TTC28: variants seen among roughly 807,000 people sequenced by gnomAD.
TTC28 encodes the protein tetratricopeptide repeat protein 28.
In TTC28, 61 loss-of-function variants were observed where a neutral mutation model predicts 198.0. The ratio of observed to expected loss-of-function variants is 0.31; its 90% CI spans 0.25 to 0.38. TTC28 has a LOEUF of 0.38. Among genes scored for constraint, TTC28 ranks in the 10% least tolerant of loss-of-function variants. The pLI is 1.00. For missense variants in TTC28, 2,678 were observed against 3,164.0 expected, an observed-to-expected ratio of 0.85 and a Z score of 3.69; for synonymous variants, 1,171 against 1,297.8, an observed-to-expected ratio of 0.90 and a Z score of 2.10.
intron 12 of TTC28, among the ~76,000 whole-genome samples, chr22:28,045,149 A>G (rs1365116226): frequency 2.0e-5 from 3 of 152,174 alleles, no homozygotes; most frequent in Non-Finnish European, 4.4e-5. Flanking sequence ...ATAAGGCTCA[A>G]CTCAACCAAT....
At chr22:28,532,449 C>G (rs755068122) in intron 2 of TTC28, among the ~76,000 whole-genome samples, 8 of 152,128 alleles carry the variant, frequency 5.3e-5, no homozygotes, top group Non-Finnish European at 8.8e-5. Context: ...CAGGACCAGA[C>G]AGATTCACAG....
chr22:28,346,812 T>C (rs1283873639), intron 2 of TTC28, among the ~76,000 whole-genome samples: 2 of 152,070 alleles, frequency 1.3e-5, no homozygotes, highest in Non-Finnish European at 1.5e-5. Flanking sequence ...GGGTAGGAAG[T>C]AGAGGAAGGC....
chr22:28,576,659 G>C (rs762620958), intron 2 of TTC28, among the ~76,000 whole-genome samples: 1 of 152,016 alleles, frequency 6.6e-6, no homozygotes, highest in Non-Finnish European at 1.5e-5. Flanking sequence ...CTTCAATCTT[G>C]TTCCTTGTTA....
At chr22:28,416,051 A>G (rs1043308070) in intron 2 of TTC28, among the ~76,000 whole-genome samples, 4 of 152,200 alleles carry the variant, frequency 2.6e-5, no homozygotes, top group African/African-American at 9.6e-5. Context: ...AAGAGGCTCC[A>G]ACATTTCGAC....
Position 27,982,634 on chromosome 22 carries a change from G to T in TTC28, c.7033C>A (p.Leu2345Met), listed in dbSNP as rs1476450247. Reference sequence around the variant, plus strand: ...TTTTCATCAATGGCTGCCATTTTCAGTTTGTCTATGTCGGGAGCGTCTGCT... The same window carrying T: ...TTTTCATCAATGGCTGCCATTTTCATTTTGTCTATGTCGGGAGCGTCTGCT... ...SPADAPDIDK[L>M]KMAAIDEKVQ... Residue 2345 changes from leucine to methionine, a missense_variant, in exon 23 of 23, where the codon CTG becomes ATG. By Grantham distance (15) the Leu-to-Met change is conservative. This residue lies in a region of TTC28 where 622 missense variants were observed against 656.0 expected (regional missense o/e 0.95). Transcript: ENST00000397906. This position sits in a 1 kb window ranked among gnomAD's most constrained non-coding sequence, Gnocchi z 5.2. The T allele has an allele frequency of 1.9e-6, 3 of 1,551,662 alleles. No homozygotes were observed. The highest frequency in any genetic ancestry group is 2.6e-6 in the Non-Finnish European group (3 of 1,147,024).
chr22:28,075,897 C>T (rs555925891), intron 12 of TTC28, among the ~76,000 whole-genome samples: 14 of 152,282 alleles, frequency 9.2e-5, no homozygotes, highest in Non-Finnish European at 1.6e-4. Context: ...ATAATTTACA[C>T]GTTTGTTGCA....
In TTC28 at chr22:28,390,259, C is replaced by T. The variant is rs1318191267; in HGVS notation, c.382-83616G>A. Among the ~76,000 whole-genome samples, 4 of 152,024 alleles carry T rather than the reference C, an allele frequency of 2.6e-5. No individual in the cohort carries two copies. In the South Asian group the frequency reaches 6.3e-4, roughly 24 times the overall value. On this transcript the variant is annotated intron_variant, in intron 2 of 22. Transcript: ENST00000397906. ...ACATTTGCTGAGGAGAGCTTTACTTCCAAGTATGTGGTCAATTTTGGAACA... is the reference window on the plus strand; with the variant it reads ...ACATTTGCTGAGGAGAGCTTTACTTTCAAGTATGTGGTCAATTTTGGAACA...
Position 28,108,326 on chromosome 22 carries a change from G to A in TTC28, c.1519C>T (p.Leu507=). 6.6e-7 allele frequency: 1 copy of A among 1,520,562 alleles called. No homozygotes were observed. Among genetic ancestry groups the A allele is most frequent in the Non-Finnish European group, 8.9e-7 (1 of 1,126,532 alleles). 94.2% of individuals were successfully genotyped at this position (1,520,562 alleles called of 1,614,324 possible). The change falls in exon 7 of 23, where the codon CTG becomes TTG. Residue 507 remains leucine (L), a synonymous_variant. Coordinates refer to ENST00000397906, the MANE Select transcript of TTC28 (RefSeq NM_001145418.2). ...HKTHLCIAQE[L]SDYAAQGRAY... ...CGGCCCTGGGCAGCATAATCACTCAGCTCCTGGGCAATGCACAGGTGGGTC... is the reference window on the plus strand; with the variant it reads ...CGGCCCTGGGCAGCATAATCACTCAACTCCTGGGCAATGCACAGGTGGGTC...
intron 5 of TTC28, among the ~76,000 whole-genome samples, chr22:28,205,767 C>T (rs1210386246): frequency 6.6e-6 from 1 of 151,998 alleles, no homozygotes; most frequent in African/African-American, 2.4e-5. Flanking sequence ...CTTTTCCTTT[C>T]CCCGTCCATG....
intron 1 of TTC28, among the ~76,000 whole-genome samples, chr22:28,645,122 G>A (rs765478126): frequency 1.4e-3 from 210 of 151,132 alleles, no homozygotes; most frequent in Middle Eastern, 3.5e-3. Context: ...TCGCCTGGGC[G>A]ACAGAGTGAG....
chr22:27,982,634 G>GT lies in TTC28; in HGVS notation c.7032dup (p.Leu2345ThrfsTer7). ...TTTTCATCAATGGCTGCCATTTTCA[G>GT]TTTGTCTATGTCGGGAGCGTCTGCT... On this transcript the variant is annotated frameshift_variant, in exon 23 of 23. Coordinates refer to ENST00000397906, the MANE Select transcript of TTC28 (RefSeq NM_001145418.2). LOFTEE classifies it low-confidence loss of function (END_TRUNC). The surrounding 1 kb of genome is among the most constrained non-coding windows in gnomAD (Gnocchi z 5.2). The GT allele has an allele frequency of 1.3e-6, 2 of 1,551,780 alleles. No homozygotes were observed. Among genetic ancestry groups the GT allele is most frequent in the East Asian group, 2.4e-5 (1 of 40,902 alleles).
At chr22:28,106,565 C>T (rs1942311083) in intron 7 of TTC28, among the ~76,000 whole-genome samples, 1 of 152,106 alleles carries the variant, frequency 6.6e-6, no homozygotes, top group Non-Finnish European at 1.5e-5. Flanking sequence ...ACAGATGATG[C>T]ATGCAACATA....
intron 6 of TTC28, among the ~76,000 whole-genome samples, chr22:28,143,050 A>G (rs115222788): frequency 5.3e-5 from 8 of 152,272 alleles, no homozygotes; most frequent in African/African-American, 1.9e-4. Flanking sequence ...TCAGAGGGAG[A>G]AAGAGATCTG....
At chr22:28,148,537 C>T (rs1486203372) in intron 6 of TTC28, among the ~76,000 whole-genome samples, 1 of 150,614 alleles carries the variant, frequency 6.6e-6, no homozygotes, top group African/African-American at 2.5e-5. Context: ...GGCATGAACC[C>T]GGGAGGTGGA....
intron 5 of TTC28, among the ~76,000 whole-genome samples, chr22:28,196,208 T>C (rs1925321007): frequency 1.3e-5 from 2 of 152,098 alleles, no homozygotes; most frequent in Non-Finnish European, 2.9e-5. Context: ...ATTTAATAAA[T>C]GGTGCTGGGA....
intron 1 of TTC28, among the ~76,000 whole-genome samples, chr22:28,655,239 C>G (rs548834445): frequency 6.6e-6 from 1 of 152,288 alleles, no homozygotes; most frequent in African/African-American, 2.4e-5. Context: ...AGATTACAGA[C>G]TATCTTGATG....
At chr22:28,598,853 G>A (rs1471236900) in intron 2 of TTC28, among the ~76,000 whole-genome samples, 1 of 152,098 alleles carries the variant, frequency 6.6e-6, no homozygotes, top group African/African-American at 2.4e-5. Context: ...TATTCCCATC[G>A]CATTAAGGAT....
chr22:28,300,014 T>C (rs2044986846), intron 3 of TTC28, among the ~76,000 whole-genome samples: 1 of 152,132 alleles, frequency 6.6e-6, no homozygotes, highest in Non-Finnish European at 1.5e-5. Flanking sequence ...GCATAACCAT[T>C]GCAACCAAAC....
At chr22:28,669,360 T>C (rs1357787407) in intron 1 of TTC28, among the ~76,000 whole-genome samples, 1 of 150,318 alleles carries the variant, frequency 6.7e-6, no homozygotes, top group East Asian at 1.9e-4. Flanking sequence ...CTAATAAAGG[T>C]GACTGAATCC....
Sources: gnomAD v4.1 joint callset for allele counts (sites outside exome capture counted in the v4.1 genomes callset) on GRCh38, gnomAD v4.1.1 for gene constraint, gnomAD v4.1.1 regional missense constraint, Gnocchi (gnomAD v3.1) non-coding constraint, MANE v1.5 for transcripts, NCBI Gene and HGNC (gene_info 2026-07-23, HGNC 2026-07-21) for gene names.